The following NPR3 variants were observed in gnomAD, a reference collection of about 807,000 sequenced individuals.
The protein encoded by NPR3 is natriuretic peptide receptor 3.
A neutral mutation model predicts 54.5 loss-of-function variants in NPR3; 34 were observed. The observed-to-expected ratio is 0.62, with a 90% CI of 0.47 to 0.83. NPR3 has a LOEUF of 0.83. Among genes scored for constraint, NPR3 ranks in the 40% least tolerant of loss-of-function variants. The probability of loss-of-function intolerance (pLI) is 0.00; values close to 1 mark genes in which losing one functional copy is unlikely to be tolerated. For synonymous variants in NPR3, 289 were observed against 297.1 expected (o/e 0.97, Z 0.28); for missense variants, 674 against 720.8 (o/e 0.94, Z 0.74).
chr5:32,758,800 T>G (rs1740992516), intron 3 of NPR3, among the ~76,000 whole-genome samples: 1 of 152,228 alleles, frequency 6.6e-6, no homozygotes, highest in African/African-American at 2.4e-5. Flanking sequence ...TCTGGTATGT[T>G]GTGTCTTTGT....
chr5:32,710,673 C>T, upstream of NPR3: 1 of 1,532,032 alleles, frequency 6.5e-7, no homozygotes, highest in Non-Finnish European at 8.8e-7. Context: ...ATGGAGCCAT[C>T]TGCACTGGGA....
rs1030457164 is a variant in NPR3, at chr5:32,743,987, A to T, written c.1059+4957A>T. Among the ~76,000 whole-genome samples the T allele has an allele frequency of 1.1e-3, 124 of 113,840 alleles. 3 individuals carry two copies. The highest frequency in any genetic ancestry group is 0.012 in the Middle Eastern group (2 of 172). 74.7% of individuals were successfully genotyped at this position (113,840 alleles called of 152,430 possible). On this transcript the variant is annotated intron_variant, in intron 3 of 7. Coordinates refer to ENST00000265074, the MANE Select transcript of NPR3 (RefSeq NM_001204375.2). ...GGGGAAATCTATTCCATTCTGATGC[A>T]TTTTTTTTTTTTTTTTTTTTTTTTG...
At chr5:32,769,784 G>T (rs529765986) in intron 3 of NPR3, among the ~76,000 whole-genome samples, 1 of 152,316 alleles carries the variant, frequency 6.6e-6, no homozygotes, top group African/African-American at 2.4e-5. Flanking sequence ...AACCCCAAGA[G>T]CTAGACCACT....
chr5:32,763,046 A>C (rs1741260114), intron 3 of NPR3, among the ~76,000 whole-genome samples: 2 of 152,230 alleles, frequency 1.3e-5, no homozygotes, highest in Non-Finnish European at 2.9e-5. Flanking sequence ...AGTTTTCTGC[A>C]TATGGCTAGC....
chr5:32,769,232 A>AATCGAT (rs1039734654), intron 3 of NPR3, among the ~76,000 whole-genome samples: 10 of 152,316 alleles, frequency 6.6e-5, no homozygotes, highest in African/African-American at 2.4e-4. Flanking sequence ...ATTGAACAAA[A>AATCGAT]ATCGATATTC....
rs1158704823 is a variant in NPR3, at chr5:32,711,552, T to TTC, written c.-223_-222dup. ...CACAGGTTTACACCCGGTGAACTTT[T>TTC]TCTTTTTCTTTTTCTTTTTTTTTTA... On this transcript the variant is annotated 5_prime_UTR_variant, in exon 1 of 8. Coordinates refer to ENST00000265074, the MANE Select transcript of NPR3 (RefSeq NM_001204375.2). The TTC allele has an allele frequency of 8.1e-6, 10 of 1,236,024 alleles. No homozygotes were observed. Among genetic ancestry groups the TTC allele is most frequent in the Admixed American group, 4.1e-5 (1 of 24,442 alleles). 76.6% of individuals were successfully genotyped at this position (1,236,024 alleles called of 1,614,324 possible). A position where few individuals can be genotyped will look rare whatever the true frequency, so the allele number is the denominator to read the frequency against.
intron 4 of NPR3, among the ~76,000 whole-genome samples, chr5:32,777,517 A>G (rs1407926244): frequency 6.6e-6 from 1 of 152,028 alleles, no homozygotes; most frequent in Non-Finnish European, 1.5e-5. Flanking sequence ...AACTAGTGAC[A>G]TTTTTCAATG....
rs796799952 is a variant in NPR3, at chr5:32,787,434, T to TTAAA, written c.*1090_*1093dup. On this transcript the variant is annotated 3_prime_UTR_variant, in exon 8 of 8. Coordinates refer to ENST00000265074, the MANE Select transcript of NPR3 (RefSeq NM_001204375.2). ...GATCAAGAGTAAAAAGTTATTAGAA[T>TTAAA]TAAACAGTTTTATAAAGGGAGGCAG... 1.3e-5 allele frequency: 2 copies of TTAAA among 152,334 alleles called. No homozygotes were observed. The highest frequency in any genetic ancestry group is 4.8e-5 in the African/African-American group (2 of 41,580). 9.4% of individuals were successfully genotyped at this position (152,334 alleles called of 1,614,324 possible). A position where few individuals can be genotyped will look rare whatever the true frequency, so the allele number is the denominator to read the frequency against.
At chr5:32,738,138 T>A (rs1739844781) in intron 2 of NPR3, among the ~76,000 whole-genome samples, 1 of 152,196 alleles carries the variant, frequency 6.6e-6, no homozygotes, top group Non-Finnish European at 1.5e-5. Flanking sequence ...TAGCACTAAC[T>A]TTCTTTTTTT....
At chr5:32,758,248 G>A (rs1223793039) in intron 3 of NPR3, among the ~76,000 whole-genome samples, 1 of 152,022 alleles carries the variant, frequency 6.6e-6, no homozygotes, top group African/African-American at 2.4e-5. Context: ...TTTTTTGGTT[G>A]GTAGCCTATT....
In NPR3 at chr5:32,724,766, A is replaced by G. The variant is rs942059917; in HGVS notation, c.838A>G (p.Thr280Ala). ...GCTGGTGGCGCACAGGCATGGCATG[A>G]CCAGTGGAGACTACGCCTTCTTCAA... The part of the protein sequence containing the change: ...IMLVAHRHGM[T>A]SGDYAFFNIE... The change falls in exon 2 of 8, where the codon ACC becomes GCC. Residue 280 changes from threonine to alanine, a missense_variant. Coordinates refer to ENST00000265074, the MANE Select transcript of NPR3 (RefSeq NM_001204375.2). 1.2e-6 allele frequency: 2 copies of G among 1,613,778 alleles called. No individual in the cohort carries two copies. The highest frequency in any genetic ancestry group is 2.7e-5 in the African/African-American group (2 of 74,882).
At chr5:32,767,821 C>T (rs936908819) in intron 3 of NPR3, among the ~76,000 whole-genome samples, 11 of 151,988 alleles carry the variant, frequency 7.2e-5, no homozygotes, top group African/African-American at 2.7e-4. Context: ...CTCTAGGTGA[C>T]TCAAAAAGTT....
At chr5:32,746,791 T>A (rs1740323242) in intron 3 of NPR3, among the ~76,000 whole-genome samples, 1 of 152,200 alleles carries the variant, frequency 6.6e-6, no homozygotes, top group African/African-American at 2.4e-5. Flanking sequence ...TAAATTTCAC[T>A]TTTGACTTGA....
At position 32,788,735 on chromosome 5, in the gene NPR3, A is replaced by T. The variant is rs185445987; in HGVS notation, c.*2390A>T. 6.6e-5 allele frequency: 10 copies of T among 152,368 alleles called. No homozygotes were observed. Among genetic ancestry groups the T allele is most frequent in the Admixed American group, 5.9e-4 (9 of 15,298 alleles). The allele number at this position is 152,368 out of a possible 1,614,324, so 9.4% of individuals were successfully genotyped here. ...TAGCTCTAGATAAGATCTTAGAGAT[A>T]AGTGAGCATTTAGTATTCTAAAAGT... On this transcript the variant is annotated 3_prime_UTR_variant, in exon 8 of 8. Transcript: ENST00000265074.
rs1390643763 is a variant in NPR3 at position 32,789,969 on chromosome 5, C to T, written c.*3624C>T. 8 of 316,838 alleles carry T rather than the reference C, an allele frequency of 2.5e-5. No homozygotes were observed. Among genetic ancestry groups the T allele is most frequent in the Non-Finnish European group, 5.2e-5 (8 of 153,948 alleles). 19.6% of individuals were successfully genotyped at this position (316,838 alleles called of 1,614,324 possible). Reference sequence around the variant, plus strand: ...AAAGCACTCAGATCCTGAGTGGATGCAGACATGAGAGTAAATGTCAGCCCA... The same window carrying T: ...AAAGCACTCAGATCCTGAGTGGATGTAGACATGAGAGTAAATGTCAGCCCA... On this transcript the variant is annotated 3_prime_UTR_variant, in exon 8 of 8. Coordinates refer to ENST00000265074, the MANE Select transcript of NPR3 (RefSeq NM_001204375.2).
intron 1 of NPR3, among the ~76,000 whole-genome samples, chr5:32,721,460 T>C (rs1357498687): frequency 1.3e-5 from 2 of 152,110 alleles, no homozygotes; most frequent in Non-Finnish European, 2.9e-5. Context: ...CTGGCCAACA[T>C]GACAAAACTC....
At chr5:32,748,484 A>G (rs1740415585) in intron 3 of NPR3, among the ~76,000 whole-genome samples, 1 of 152,226 alleles carries the variant, frequency 6.6e-6, no homozygotes, top group South Asian at 2.1e-4. Context: ...AGTTTTCCTA[A>G]GACTCCAAAG....
intron 1 of NPR3, among the ~76,000 whole-genome samples, chr5:32,702,832 G>A (rs1002897735): frequency 3.9e-5 from 6 of 152,058 alleles, no homozygotes; most frequent in East Asian, 1.9e-4. Context: ...CTGAGGAATC[G>A]CCACACTGAC....
At chr5:32,779,567 T>C (rs1742232718) in intron 4 of NPR3, among the ~76,000 whole-genome samples, 3 of 152,184 alleles carry the variant, frequency 2.0e-5, no homozygotes, top group African/African-American at 7.2e-5. Flanking sequence ...TCTTCTGGTC[T>C]CTTTGGGCCT....
Sources: gnomAD v4.1 joint callset for allele counts (sites outside exome capture counted in the v4.1 genomes callset) on GRCh38, gnomAD v4.1.1 for gene constraint, MANE v1.5 for transcripts, NCBI Gene and HGNC (gene_info 2026-07-23, HGNC 2026-07-21) for gene names.